The following NRXN3 variants were observed in gnomAD, a reference collection of about 807,000 sequenced individuals.
The protein encoded by NRXN3 is neurexin 3.
A neutral mutation model predicts 137.6 loss-of-function variants in NRXN3; 32 were observed. The ratio of observed to expected loss-of-function variants is 0.23; its 90% CI spans 0.18 to 0.31. The LOEUF (loss-of-function observed/expected upper bound fraction) is 0.31. Ranked by LOEUF, NRXN3 falls within the 10% of genes least tolerant of loss-of-function variation. NRXN3 has a pLI of 1.00. For synonymous variants in NRXN3, 798 were observed against 784.5 expected (o/e 1.02, Z -0.29); for missense variants, 1,574 against 2,062.5 (o/e 0.76, Z 4.59).
rs554575611 is a variant in NRXN3, at chr14:78,300,974, G to A, written c.757+3114G>A. Among the ~76,000 whole-genome samples, 131 of 152,164 alleles carry A rather than the reference G, an allele frequency of 8.6e-4. 1 individual carries two copies. The highest frequency in any genetic ancestry group is 2.8e-3 in the African/African-American group (117 of 41,518). On this transcript the variant is annotated intron_variant, in intron 4 of 20. Coordinates refer to ENST00000335750, the MANE Select transcript of NRXN3 (RefSeq NM_001330195.2). ...ACTCTTTCTATCAGGAACGGGGGAG[G>A]GTGTTCTAAGATCCCCTCCCAGTAA...
At chr14:79,133,800 G>T (rs1471936472) in intron 15 of NRXN3, among the ~76,000 whole-genome samples, 1 of 151,692 alleles carries the variant, frequency 6.6e-6, no homozygotes, top group Non-Finnish European at 1.5e-5. Context: ...GTGGTGGTGG[G>T]CGCCTGTAGT....
chr14:79,707,625 T>C (rs886599116), intron 19 of NRXN3, among the ~76,000 whole-genome samples: 5 of 152,206 alleles, frequency 3.3e-5, no homozygotes, highest in Non-Finnish European at 7.3e-5. Context: ...GGGATTATAA[T>C]CTGGTCTCAG....
At chr14:79,051,174 C>T (rs1047500701) in intron 15 of NRXN3, among the ~76,000 whole-genome samples, 1 of 152,036 alleles carries the variant, frequency 6.6e-6, no homozygotes, top group Non-Finnish European at 1.5e-5. Flanking sequence ...TTGCTCTGAC[C>T]TATCTCCTTT....
intron 4 of NRXN3, among the ~76,000 whole-genome samples, chr14:78,600,136 G>T (rs1287372012): frequency 6.6e-6 from 1 of 152,114 alleles, no homozygotes; most frequent in Non-Finnish European, 1.5e-5. Context: ...GTTTTGTCCT[G>T]GATTGATGCT....
At chr14:79,533,351 A>C (rs1175926901) in intron 16 of NRXN3, among the ~76,000 whole-genome samples, 1 of 152,182 alleles carries the variant, frequency 6.6e-6, no homozygotes, top group African/African-American at 2.4e-5. Flanking sequence ...TCAGCTTGAT[A>C]TTTTTGTTTC....
intron 4 of NRXN3, among the ~76,000 whole-genome samples, chr14:78,635,816 T>G (rs1028841632): frequency 6.6e-6 from 1 of 152,226 alleles, no homozygotes; most frequent in African/African-American, 2.4e-5. Flanking sequence ...TGAAACTTAT[T>G]TATAGGAAGT....
At chr14:79,251,487 G>C (rs1053370847) in intron 15 of NRXN3, among the ~76,000 whole-genome samples, 2 of 152,144 alleles carry the variant, frequency 1.3e-5, no homozygotes, top group Non-Finnish European at 2.9e-5. Context: ...ATAAGTAGGG[G>C]TAAAATGAGG....
intron 10 of NRXN3, among the ~76,000 whole-genome samples, chr14:78,811,042 T>TAGA (rs2098909693): frequency 6.6e-6 from 1 of 152,066 alleles, no homozygotes; most frequent in South Asian, 2.1e-4. Context: ...AGTCAACATG[T>TAGA]AGAAGGGGAA....
At chr14:78,347,955 G>A (rs1172231595) in intron 4 of NRXN3, among the ~76,000 whole-genome samples, 1 of 152,158 alleles carries the variant, frequency 6.6e-6, no homozygotes, top group Non-Finnish European at 1.5e-5. Flanking sequence ...AGGGTACTAG[G>A]ATGCTATGTG....
At chr14:79,710,360 T>TAATA (rs759704694) in intron 19 of NRXN3, among the ~76,000 whole-genome samples, 14 of 152,102 alleles carry the variant, frequency 9.2e-5, no homozygotes, top group Middle Eastern at 3.4e-3. Flanking sequence ...TAAAAAAAAA[T>TAATA]AATAAAAATC....
chr14:78,666,802 G>A lies in NRXN3; in HGVS notation c.1221+15476G>A, dbSNP rs139801779. The stretch of plus-strand genomic sequence containing the variant: ...TTCTTTCCATGCTGCATTCTGCCCC[G>A]TTTTGCTCTTTGTGCCATTCTTTGG... On this transcript the variant is annotated intron_variant, in intron 6 of 20. Transcript: ENST00000335750. 2.8e-3 allele frequency among the ~76,000 whole-genome samples: 423 copies of A among 152,006 alleles called. 1 individual carries two copies. The highest frequency in any genetic ancestry group is 0.02 in the Middle Eastern group (6 of 294).
At chr14:79,536,393 G>A (rs1184539523) in intron 16 of NRXN3, among the ~76,000 whole-genome samples, 2 of 151,894 alleles carry the variant, frequency 1.3e-5, no homozygotes, top group African/African-American at 4.8e-5. Flanking sequence ...TTGGAGCCAA[G>A]GGAACTCAGA....
chr14:78,506,854 T>G (rs960579657), intron 4 of NRXN3, among the ~76,000 whole-genome samples: 2 of 152,010 alleles, frequency 1.3e-5, no homozygotes, highest in African/African-American at 4.8e-5. Context: ...ATTTTAATGT[T>G]TATTTCCCTG....
In NRXN3 at chr14:78,190,697, T is replaced by C. The variant is rs557385607; in HGVS notation, c.-704+20023T>C. Among the ~76,000 whole-genome samples, 3 of 152,164 alleles carry C rather than the reference T, an allele frequency of 2.0e-5. No individual in the cohort carries two copies. In the South Asian group the frequency reaches 6.2e-4, roughly 32 times the overall value. ...ATTACTTACTTACTTGCTTACTTAC[T>C]GAGTCTCACTCTGTTGCCCAGGCTG... On this transcript the variant is annotated intron_variant, in intron 1 of 20. Coordinates refer to ENST00000335750, the MANE Select transcript of NRXN3 (RefSeq NM_001330195.2).
chr14:78,671,412 A>G (rs2097933674), intron 6 of NRXN3, among the ~76,000 whole-genome samples: 1 of 152,206 alleles, frequency 6.6e-6, no homozygotes, highest in African/African-American at 2.4e-5. Flanking sequence ...TCAAACTTTT[A>G]AAAATGTATT....
chr14:78,454,802 T>C (rs906828613), intron 4 of NRXN3, among the ~76,000 whole-genome samples: 5 of 152,130 alleles, frequency 3.3e-5, no homozygotes, highest in Non-Finnish European at 5.9e-5. Flanking sequence ...GAACAGGATA[T>C]GTATAGAGCC....
chr14:78,641,959 G>GT (rs2097639123), intron 4 of NRXN3, among the ~76,000 whole-genome samples: 1 of 152,150 alleles, frequency 6.6e-6, no homozygotes, highest in African/African-American at 2.4e-5. Context: ...TAAAAGAAGT[G>GT]TTTTTGCTTT....
chr14:79,811,647 TCTCGGCTCA>T (rs2099233983), intron 20 of NRXN3, among the ~76,000 whole-genome samples: 2 of 148,108 alleles, frequency 1.4e-5, no homozygotes, highest in South Asian at 4.3e-4. Flanking sequence ...AATGGCATGA[TCTCGGCTCA>T]CTGCAAGCTC....
At chr14:79,537,044 C>T (rs966412067) in intron 16 of NRXN3, among the ~76,000 whole-genome samples, 1 of 152,112 alleles carries the variant, frequency 6.6e-6, no homozygotes, top group African/African-American at 2.4e-5. Context: ...CACTGTTTTC[C>T]ATAATGTTTG....
Sources: gnomAD v4.1 joint callset for allele counts (sites outside exome capture counted in the v4.1 genomes callset) on GRCh38, gnomAD v4.1.1 for gene constraint, MANE v1.5 for transcripts, NCBI Gene and HGNC (gene_info 2026-07-23, HGNC 2026-07-21) for gene names.